Variants in FAR2 observed in about 807,000 individuals in gnomAD.
The protein encoded by FAR2 is epididymis secretory protein Li 81.
FAR2 carries 19 observed loss-of-function variants against 56.0 expected under a neutral mutation model. The observed-to-expected ratio is 0.34, with a 90% confidence interval of 0.24 to 0.50. The LOEUF (loss-of-function observed/expected upper bound fraction) is 0.50, where lower values mean the gene tolerates loss of function less well. FAR2 is among the 20% of genes least tolerant of loss of function. FAR2 has a pLI of 0.98. For missense variants in FAR2, 508 were observed against 642.2 expected, an observed-to-expected ratio of 0.79 and a Z score of 2.26; for synonymous variants, 219 against 218.8, an observed-to-expected ratio of 1.00 and a Z score of -0.01.
At chr12:29,272,530 C>T (rs1206714429) in intron 2 of FAR2, among the ~76,000 whole-genome samples, 2 of 152,206 alleles carry the variant, frequency 1.3e-5, no homozygotes, top group African/African-American at 4.8e-5. Flanking sequence ...AGCAATTCCT[C>T]TAACTTTTTA....
intron 1 of FAR2, among the ~76,000 whole-genome samples, chr12:29,218,695 A>G (rs1437156530): frequency 6.6e-6 from 1 of 151,960 alleles, no homozygotes; most frequent in African/African-American, 2.4e-5. Flanking sequence ...AAAGAAAATA[A>G]CACCTAGAAA....
At chr12:29,196,034 AT>A (rs949207092) in intron 1 of FAR2, among the ~76,000 whole-genome samples, 8 of 152,066 alleles carry the variant, frequency 5.3e-5, no homozygotes, top group South Asian at 2.1e-4. Flanking sequence ...ACATGATTTC[AT>A]TTTTTTATGG....
At chr12:29,309,076 C>T in intron 5 of FAR2, 110 bp from the exon 6 acceptor site, 1 of 772,730 alleles carries the variant, frequency 1.3e-6, no homozygotes, top group Non-Finnish European at 2.3e-6. Flanking sequence ...GTTCTATTGG[C>T]TGGGATCTCA....
chr12:29,185,753 T>C (rs1591837743), intron 1 of FAR2, among the ~76,000 whole-genome samples: 4 of 152,284 alleles, frequency 2.6e-5, no homozygotes, highest in Non-Finnish European at 5.9e-5. Flanking sequence ...AGAGTGTTTT[T>C]TGGTTGTCAT....
At chr12:29,288,433 C>A (rs1345301373) in intron 2 of FAR2, among the ~76,000 whole-genome samples, 1 of 152,070 alleles carries the variant, frequency 6.6e-6, no homozygotes, top group African/African-American at 2.4e-5. Context: ...TATTGGTGGG[C>A]TTTCAATGAA....
chr12:29,229,688 C>G (rs953944992), intron 1 of FAR2, among the ~76,000 whole-genome samples: 2 of 152,146 alleles, frequency 1.3e-5, no homozygotes, highest in African/African-American at 4.8e-5. Flanking sequence ...AACTCCTGCC[C>G]TCATGGAGTT....
rs547769143 is a variant in FAR2, at chr12:29,325,507, A to T, written c.1257+3583A>T. ...TTGACCACATAGTTGGAAGTAAAACACTCCTCAGCAAATGTAAAAGAACAG... is the reference window on the plus strand; with the variant it reads ...TTGACCACATAGTTGGAAGTAAAACTCTCCTCAGCAAATGTAAAAGAACAG... On this transcript the variant is annotated intron_variant, in intron 10 of 11. Transcript: ENST00000536681. 2.4e-3 allele frequency among the ~76,000 whole-genome samples: 371 copies of T among 152,124 alleles called. 2 individuals are homozygous for T. Among genetic ancestry groups the T allele is most frequent in the African/African-American group, 8.6e-3 (358 of 41,482 alleles).
At chr12:29,267,898 T>C (rs1948545418) in intron 1 of FAR2, among the ~76,000 whole-genome samples, 1 of 152,226 alleles carries the variant, frequency 6.6e-6, no homozygotes, top group Non-Finnish European at 1.5e-5. Flanking sequence ...CTTGTTTATA[T>C]GTTTATTTGA....
At chr12:29,222,281 T>C (rs539741601) in intron 1 of FAR2, among the ~76,000 whole-genome samples, 1 of 152,336 alleles carries the variant, frequency 6.6e-6, no homozygotes, top group East Asian at 1.9e-4. Flanking sequence ...GACTTACTAA[T>C]GTTTCAATCA....
In FAR2 at chr12:29,188,230, T is replaced by C. The variant is rs1294217587; in HGVS notation, c.-39+38823T>C. 2.0e-5 allele frequency among the ~76,000 whole-genome samples: 3 copies of C among 152,204 alleles called. No homozygotes were observed. In the East Asian group the frequency reaches 5.8e-4, roughly 29 times the overall value. ...CTGCTTTTAAAACACAATTTCCCAA[T>C]TTTTCCACTGTTGTTTTCTTTTAGT... On this transcript the variant is annotated intron_variant, in intron 1 of 11. Transcript: ENST00000536681.
chr12:29,191,123 C>T (rs188216611), intron 1 of FAR2, among the ~76,000 whole-genome samples: 1 of 152,188 alleles, frequency 6.6e-6, no homozygotes, highest in Non-Finnish European at 1.5e-5. Flanking sequence ...CTTTCCATAC[C>T]TAGCTGAAAA....
rs1483660085 is a variant in FAR2, at chr12:29,297,141, C to G, written c.486C>G (p.His162Gln). 6.2e-7 allele frequency: 1 copy of G among 1,613,908 alleles called. No homozygotes were observed. Residue 162 changes from histidine to glutamine, a missense_variant, in exon 4 of 12, where the codon CAC (histidine) becomes CAG (glutamine). Physicochemically the swap from His to Gln is conservative, Grantham distance 24. Coordinates refer to ENST00000536681, the MANE Select transcript of FAR2 (RefSeq NM_001271783.2). Reference sequence around the variant, plus strand: ...CCTATTCAAATTGTAACCTGAAGCACATCGATGAAGTTATCTATCCGTGCC... The same window carrying G: ...CCTATTCAAATTGTAACCTGAAGCAGATCGATGAAGTTATCTATCCGTGCC... The part of the protein sequence containing the change: ...STAYSNCNLK[H>Q]IDEVIYPCPV...
At chr12:29,209,533 G>A (rs1048016356) in intron 1 of FAR2, among the ~76,000 whole-genome samples, 1 of 152,172 alleles carries the variant, frequency 6.6e-6, no homozygotes, top group African/African-American at 2.4e-5. Context: ...CTGGGAAGAA[G>A]TTACTGCTGG....
Position 29,305,748 on chromosome 12 carries a change from T to G in FAR2, c.546-1910T>G, listed in dbSNP as rs188912354. 4.1e-3 allele frequency among the ~76,000 whole-genome samples: 629 copies of G among 152,266 alleles called. 4 individuals are homozygous for G. Among genetic ancestry groups the G allele is most frequent in the Non-Finnish European group, 7.0e-3 (475 of 68,008 alleles). On this transcript the variant is annotated intron_variant, in intron 4 of 11. Transcript: ENST00000536681. ...AAAAGATAAAACAGTGGAATACAGGTGTAGCTGAGAGTAGCAGAGGCAAGT... is the reference window on the plus strand; with the variant it reads ...AAAAGATAAAACAGTGGAATACAGGGGTAGCTGAGAGTAGCAGAGGCAAGT...
At chr12:29,196,511 C>A (rs1051433197) in intron 1 of FAR2, among the ~76,000 whole-genome samples, 1 of 151,990 alleles carries the variant, frequency 6.6e-6, no homozygotes, top group Non-Finnish European at 1.5e-5. Flanking sequence ...CTGTTCATGT[C>A]CTTTGCCTAC....
At chr12:29,240,323 C>A (rs1236465994) in intron 1 of FAR2, among the ~76,000 whole-genome samples, 4 of 152,152 alleles carry the variant, frequency 2.6e-5, no homozygotes, top group Admixed American at 6.5e-5. Context: ...ACCATCAACT[C>A]CCACTCTGAA....
chr12:29,176,572 A>T (rs6487779), intron 1 of FAR2, among the ~76,000 whole-genome samples: 3 of 152,040 alleles, frequency 2.0e-5, no homozygotes, highest in Non-Finnish European at 4.4e-5. Context: ...AAAGGAAATA[A>T]GAATGATAGC....
chr12:29,247,694 G>C (rs1948149808), intron 1 of FAR2, among the ~76,000 whole-genome samples: 1 of 152,152 alleles, frequency 6.6e-6, no homozygotes, highest in East Asian at 1.9e-4. Context: ...ACAGTTGTAA[G>C]AACTGGGAAA....
At chr12:29,257,287 G>C (rs1275104272) in intron 1 of FAR2, among the ~76,000 whole-genome samples, 1 of 152,156 alleles carries the variant, frequency 6.6e-6, no homozygotes, top group African/African-American at 2.4e-5. Flanking sequence ...GGGCCTTGGA[G>C]AACCTTTGTG....
Sources: gnomAD v4.1 joint callset for allele counts (sites outside exome capture counted in the v4.1 genomes callset) on GRCh38, gnomAD v4.1.1 for gene constraint, MANE v1.5 for transcripts, NCBI Gene and HGNC (gene_info 2026-07-23, HGNC 2026-07-21) for gene names.